Variants in MEI4 observed in about 807,000 individuals in gnomAD.
MEI4 encodes the protein meiosis-specific protein MEI4.
MEI4 carries 27 observed loss-of-function variants against 31.4 expected under a neutral mutation model. The ratio of observed to expected loss-of-function variants is 0.86; its 90% CI spans 0.63 to 1.19. The LOEUF (loss-of-function observed/expected upper bound fraction) is 1.19. Ranked by LOEUF, MEI4 falls within the 50% of genes most tolerant of loss-of-function variation. The pLI is 0.00. For synonymous variants in MEI4, 122 were observed against 145.4 expected, an observed-to-expected ratio of 0.84 and a Z score of 1.16; for missense variants, 329 against 398.9, an observed-to-expected ratio of 0.82 and a Z score of 1.49.
chr6:77,908,895 A>G (rs749798198), intron 4 of MEI4, among the ~76,000 whole-genome samples: 1 of 152,144 alleles, frequency 6.6e-6, no homozygotes, highest in Non-Finnish European at 1.5e-5. Context: ...ACTCCCACAC[A>G]GTAATAATGG....
intron 2 of MEI4, among the ~76,000 whole-genome samples, chr6:77,698,465 G>T (rs1186752032): frequency 6.6e-6 from 1 of 152,070 alleles, no homozygotes; most frequent in African/African-American, 2.4e-5. Context: ...CAGGCCTGGT[G>T]GTGACAAAAT....
chr6:77,735,288 G>C (rs1430219720), intron 2 of MEI4, among the ~76,000 whole-genome samples: 4 of 151,590 alleles, frequency 2.6e-5, no homozygotes, highest in Non-Finnish European at 5.9e-5. Flanking sequence ...ACGTAGATTT[G>C]GTCTTTTCAC....
chr6:77,841,538 C>T (rs1290563828), intron 4 of MEI4, among the ~76,000 whole-genome samples: 1 of 151,002 alleles, frequency 6.6e-6, no homozygotes, highest in South Asian at 2.1e-4. Context: ...GATGGAGTTT[C>T]ACCATGTTGG....
intron 3 of MEI4, among the ~76,000 whole-genome samples, chr6:77,803,543 G>C (rs1769337351): frequency 1.3e-5 from 2 of 152,148 alleles, no homozygotes; most frequent in South Asian, 4.1e-4. Context: ...TGGAGAAGAG[G>C]CACTCTGATT....
intron 2 of MEI4, among the ~76,000 whole-genome samples, chr6:77,737,587 C>T (rs1012326845): frequency 6.6e-6 from 1 of 151,880 alleles, no homozygotes; most frequent in Non-Finnish European, 1.5e-5. Context: ...ATTAGGAGAT[C>T]ATGGAGACCT....
intron 2 of MEI4, among the ~76,000 whole-genome samples, chr6:77,733,379 T>C (rs1767073738): frequency 1.3e-5 from 2 of 152,134 alleles, no homozygotes; most frequent in Non-Finnish European, 2.9e-5. Flanking sequence ...TCTAGGAATT[T>C]ATCCATTTCT....
At chr6:77,656,676 G>C (rs1364790489) in intron 1 of MEI4, among the ~76,000 whole-genome samples, 1 of 152,114 alleles carries the variant, frequency 6.6e-6, no homozygotes, top group Non-Finnish European at 1.5e-5. Context: ...AAAACACTTA[G>C]ATAGTTCTCA....
At chr6:77,696,247 A>G (rs1341989337) in intron 2 of MEI4, among the ~76,000 whole-genome samples, 4 of 152,062 alleles carry the variant, frequency 2.6e-5, no homozygotes, top group South Asian at 2.1e-4. Context: ...CTAATTGAAT[A>G]CCCTTTATTT....
chr6:77,883,965 C>CTT (rs1771562188), intron 4 of MEI4, among the ~76,000 whole-genome samples: 2 of 151,704 alleles, frequency 1.3e-5, no homozygotes, highest in Admixed American at 6.6e-5. Context: ...TCCATAATGA[C>CTT]TATCCAGATT....
intron 4 of MEI4, among the ~76,000 whole-genome samples, chr6:77,859,607 C>T (rs1770822122): frequency 6.6e-6 from 1 of 152,134 alleles, no homozygotes; most frequent in South Asian, 2.1e-4. Context: ...TTGCATTTCT[C>T]TGATGAGCAG....
intron 2 of MEI4, among the ~76,000 whole-genome samples, chr6:77,735,704 G>A (rs1767176504): frequency 6.6e-6 from 1 of 151,992 alleles, no homozygotes; most frequent in Admixed American, 6.5e-5. Flanking sequence ...GAGGAGGAGA[G>A]GTGCTCTGAT....
intron 2 of MEI4, among the ~76,000 whole-genome samples, chr6:77,699,644 G>A (rs1766160524): frequency 6.6e-6 from 1 of 152,192 alleles, no homozygotes; most frequent in South Asian, 2.1e-4. Context: ...CTTTGGAGGA[G>A]GAGAGGCACT....
chr6:77,799,402 C>T (rs1769180736), intron 3 of MEI4, among the ~76,000 whole-genome samples: 2 of 152,174 alleles, frequency 1.3e-5, no homozygotes, highest in African/African-American at 4.8e-5. Flanking sequence ...AGCCCTTTGT[C>T]AGATGAGTAG....
intron 4 of MEI4, among the ~76,000 whole-genome samples, chr6:77,922,315 T>C (rs537792813): frequency 1.5e-4 from 23 of 151,870 alleles, no homozygotes; most frequent in African/African-American, 5.3e-4. Flanking sequence ...GTTCTGTGGA[T>C]TTGAGTTCTA....
intron 4 of MEI4, among the ~76,000 whole-genome samples, chr6:77,889,108 G>A (rs1377784656): frequency 2.0e-5 from 3 of 152,042 alleles, no homozygotes; most frequent in Non-Finnish European, 4.4e-5. Context: ...AACATAAATC[G>A]ATACCACAGA....
At chr6:77,869,844 G>C (rs879649976) in intron 4 of MEI4, among the ~76,000 whole-genome samples, 2 of 152,158 alleles carry the variant, frequency 1.3e-5, no homozygotes, top group Non-Finnish European at 2.9e-5. Flanking sequence ...TCATGCTTGG[G>C]ATAAATATTT....
intron 4 of MEI4, among the ~76,000 whole-genome samples, chr6:77,896,988 A>T (rs1766095545): frequency 6.6e-6 from 1 of 152,060 alleles, no homozygotes. Flanking sequence ...TTGAACGTGT[A>T]TACTCCTATG....
At chr6:77,730,264 T>A (rs1461412289) in intron 2 of MEI4, among the ~76,000 whole-genome samples, 2 of 152,176 alleles carry the variant, frequency 1.3e-5, no homozygotes, top group Non-Finnish European at 2.9e-5. Flanking sequence ...CATTCACACA[T>A]TGATGAATGG....
chr6:77,841,372 G>A (rs1192334663), intron 4 of MEI4, among the ~76,000 whole-genome samples: 18 of 101,748 alleles, frequency 1.8e-4, no homozygotes, highest in South Asian at 3.1e-4. Flanking sequence ...GGAGTTTTGC[G>A]CTTGTCGCCC....
Sources: gnomAD v4.1 joint callset for allele counts (sites outside exome capture counted in the v4.1 genomes callset) on GRCh38, gnomAD v4.1.1 for gene constraint, MANE v1.5 for transcripts, NCBI Gene and HGNC (gene_info 2026-07-23, HGNC 2026-07-21) for gene names.